The following DHRSX variants were observed in gnomAD, a reference collection of about 807,000 sequenced individuals.
DHRSX encodes dehydrogenase/reductase X-linked, also known as polyprenol dehydrogenase.
DHRSX carries 31 observed loss-of-function variants against 34.0 expected under a neutral mutation model. That is an observed-to-expected ratio of 0.91 (90% CI 0.69 to 1.23). The LOEUF (loss-of-function observed/expected upper bound fraction) is 1.23. DHRSX is among the 50% of genes most tolerant of loss of function. The probability of loss-of-function intolerance (pLI) is 0.00; values close to 1 mark genes in which losing one functional copy is unlikely to be tolerated. For synonymous variants in DHRSX, 201 were observed against 183.8 expected, an observed-to-expected ratio of 1.09 and a Z score of -0.76; for missense variants, 414 against 428.1, an observed-to-expected ratio of 0.97 and a Z score of 0.29.
At chrX:2,339,012 C>A (rs1482448710) in intron 3 of DHRSX, among the ~76,000 whole-genome samples, 2 of 151,902 alleles carry the variant, frequency 1.3e-5, no homozygotes, top group African/African-American at 2.4e-5. Context: ...ATATAATTTC[C>A]GCAACGAGAT....
intron 1 of DHRSX, among the ~76,000 whole-genome samples, chrX:2,481,702 A>C (rs915405787): frequency 6.6e-6 from 1 of 151,960 alleles, no homozygotes; most frequent in African/African-American, 2.4e-5. Context: ...AGCATGGACC[A>C]GAAGAGATGA....
chrX:2,293,553 G>A (rs2041892632), intron 3 of DHRSX, among the ~76,000 whole-genome samples: 1 of 152,138 alleles, frequency 6.6e-6, no homozygotes, highest in African/African-American at 2.4e-5. Context: ...GAAAGGTGAG[G>A]ATGGGGAATG....
chrX:2,223,848 G>C (rs1182533057), intron 6 of DHRSX, among the ~76,000 whole-genome samples: 1 of 151,996 alleles, frequency 6.6e-6, no homozygotes, highest in African/African-American at 2.4e-5. Context: ...AGTCTTTCTG[G>C]GGCCCAGCCC....
intron 5 of DHRSX, among the ~76,000 whole-genome samples, chrX:2,248,628 A>AAAAAAAAAAAAAAAAAAG (rs1556433590): frequency 9.6e-6 from 1 of 104,292 alleles, no homozygotes; most frequent in African/African-American, 4.5e-5. Flanking sequence ...AAAAAAAAAG[A>AAAAAAAAAAAAAAAAAAG]AAAAGAAAAG....
chrX:2,409,447 C>T (rs1183086392), intron 2 of DHRSX, among the ~76,000 whole-genome samples: 1 of 152,106 alleles, frequency 6.6e-6, no homozygotes, highest in Non-Finnish European at 1.5e-5. Flanking sequence ...CTCGACAGGC[C>T]CTGGTGTGGG....
chrX:2,473,182 C>G (rs775219963), intron 1 of DHRSX, among the ~76,000 whole-genome samples: 1 of 152,304 alleles, frequency 6.6e-6, no homozygotes, highest in East Asian at 1.9e-4. Flanking sequence ...AGGACTGTTA[C>G]AGGGACAACA....
At chrX:2,358,420 G>C (rs149930411) in intron 3 of DHRSX, among the ~76,000 whole-genome samples, 1 of 152,076 alleles carries the variant, frequency 6.6e-6, no homozygotes, top group African/African-American at 2.4e-5. Flanking sequence ...GCAGCTGGCC[G>C]GGCGCGGTGG....
chrX:2,429,377 T>C (rs2043889053), intron 1 of DHRSX, among the ~76,000 whole-genome samples: 1 of 151,968 alleles, frequency 6.6e-6, no homozygotes, highest in Admixed American at 6.6e-5. Flanking sequence ...AACTTCCTAG[T>C]CAATAAAGAA....
At chrX:2,408,681 C>T (rs5939478) in intron 3 of DHRSX, 64 bp downstream of exon 3, 243,340 of 1,439,858 alleles carry the variant, frequency 0.17, 22,200 homozygotes, top group Middle Eastern at 0.28. Flanking sequence ...CCATGAACCA[C>T]GCAAACGACC....
chrX:2,228,681 A>G (rs1486198320), intron 6 of DHRSX, among the ~76,000 whole-genome samples: 1 of 151,950 alleles, frequency 6.6e-6, no homozygotes, highest in African/African-American at 2.4e-5. Flanking sequence ...TAAGGCAGAT[A>G]TTGTGAATTT....
chrX:2,316,812 G>A (rs1462038940), intron 3 of DHRSX, among the ~76,000 whole-genome samples: 3 of 152,148 alleles, frequency 2.0e-5, no homozygotes, highest in Non-Finnish European at 4.4e-5. Flanking sequence ...GCAACTTCAG[G>A]CATAAATGGA....
Position 2,500,975 on chromosome X carries a change from G to C in DHRSX, c.-50C>G. The C allele has an allele frequency of 3.2e-6, 3 of 949,520 alleles. No homozygotes were observed. Among genetic ancestry groups the C allele is most frequent in the Non-Finnish European group, 3.8e-6 (3 of 792,254 alleles). The allele number at this position is 949,520 out of a possible 1,614,324, so 58.8% of individuals were successfully genotyped here. ...GCTTCCGCGCCGCCCGCGGGACTCT[G>C]CGCCCGCCCGCCCGGACGGACGGCG... On this transcript the variant is annotated 5_prime_UTR_variant, in exon 1 of 7. Coordinates refer to ENST00000334651, the MANE Select transcript of DHRSX (RefSeq NM_145177.3).
intron 1 of DHRSX, among the ~76,000 whole-genome samples, chrX:2,444,378 C>T (rs2044101311): frequency 6.6e-6 from 1 of 152,162 alleles, no homozygotes; most frequent in African/African-American, 2.4e-5. Context: ...ATGAGGAAGG[C>T]ACTTACGAGG....
At chrX:2,372,665 A>G (rs990953814) in intron 3 of DHRSX, among the ~76,000 whole-genome samples, 5 of 150,792 alleles carry the variant, frequency 3.3e-5, no homozygotes, top group East Asian at 2.0e-4. Context: ...CTGGAGTGCA[A>G]TGGCGCAACC....
At chrX:2,455,149 C>T (rs866686802) in intron 1 of DHRSX, among the ~76,000 whole-genome samples, 65 of 150,632 alleles carry the variant, frequency 4.3e-4, no homozygotes, top group Non-Finnish European at 7.8e-4. Context: ...TTTGCAGGAA[C>T]CTGCATGGAG....
At chrX:2,293,566 G>A (rs1320466684) in intron 3 of DHRSX, among the ~76,000 whole-genome samples, 1 of 152,154 alleles carries the variant, frequency 6.6e-6, no homozygotes, top group Admixed American at 6.6e-5. Context: ...GGGGAATGGT[G>A]TGAGGTGGAA....
intron 3 of DHRSX, among the ~76,000 whole-genome samples, chrX:2,360,897 C>A (rs915796830): frequency 6.6e-6 from 1 of 151,992 alleles, no homozygotes; most frequent in Non-Finnish European, 1.5e-5. Context: ...AAATACATAT[C>A]CGGAGCGAGA....
chrX:2,431,355 C>A (rs1229690192), intron 1 of DHRSX, among the ~76,000 whole-genome samples: 19 of 151,306 alleles, frequency 1.3e-4, no homozygotes, highest in Admixed American at 1.2e-3. Flanking sequence ...AAAAAAAACC[C>A]CCAAACTTTG....
intron 1 of DHRSX, among the ~76,000 whole-genome samples, chrX:2,478,402 CCAATGGACTGT>C (rs1569505355): frequency 3.9e-5 from 6 of 152,114 alleles, no homozygotes; most frequent in African/African-American, 1.4e-4. Context: ...CACATTCTGG[CCAATGGACTGT>C]CACCTTGTAC....
Sources: gnomAD v4.1 joint callset for allele counts (sites outside exome capture counted in the v4.1 genomes callset) on GRCh38, gnomAD v4.1.1 for gene constraint, MANE v1.5 for transcripts, NCBI Gene and HGNC (gene_info 2026-07-23, HGNC 2026-07-21) for gene names.